The following LRP1B variants were observed in gnomAD, a reference collection of about 807,000 sequenced individuals.
LRP1B encodes LDL receptor related protein 1B, also known as low-density lipoprotein receptor-related protein 1B.
LRP1B carries 217 observed loss-of-function variants against 556.6 expected under a neutral mutation model. The observed-to-expected ratio is 0.39, with a 90% CI of 0.35 to 0.44. The LOEUF (loss-of-function observed/expected upper bound fraction) is 0.44. LRP1B is among the 20% of genes least tolerant of loss of function. The pLI is 1.00. For synonymous variants in LRP1B, 2,047 were observed against 1,865.8 expected, an observed-to-expected ratio of 1.10 and a Z score of -2.50; for missense variants, 5,053 against 5,620.8, an observed-to-expected ratio of 0.90 and a Z score of 3.23.
chr2:140,406,423 A>G (rs1004875061), intron 66 of LRP1B, among the ~76,000 whole-genome samples: 3 of 152,128 alleles, frequency 2.0e-5, no homozygotes, highest in Non-Finnish European at 4.4e-5. Context: ...CACCAATGAT[A>G]TGATCAAATA....
chr2:140,835,735 C>T (rs1460745843), intron 31 of LRP1B, among the ~76,000 whole-genome samples: 2 of 151,990 alleles, frequency 1.3e-5, no homozygotes, highest in African/African-American at 4.8e-5. Context: ...GATGGGTTTT[C>T]ACCATGTTGG....
intron 66 of LRP1B, among the ~76,000 whole-genome samples, chr2:140,435,032 A>G (rs535776234): frequency 9.2e-5 from 14 of 152,302 alleles, no homozygotes; most frequent in African/African-American, 3.4e-4. Context: ...ACAAAGCATA[A>G]TCAATCATAT....
intron 2 of LRP1B, among the ~76,000 whole-genome samples, chr2:141,484,449 C>T (rs1007997946): frequency 6.6e-6 from 1 of 151,700 alleles, no homozygotes; most frequent in Admixed American, 6.6e-5. Context: ...GATGTGGGTT[C>T]TTTTTTGGTT....
At chr2:140,881,106 C>T (rs1693457948) in intron 25 of LRP1B, among the ~76,000 whole-genome samples, 1 of 152,094 alleles carries the variant, frequency 6.6e-6, no homozygotes, top group African/African-American at 2.4e-5. Context: ...TGCTGATTCT[C>T]AGCTTCCTTA....
At chr2:140,797,802 GA>G (rs976318297) in intron 32 of LRP1B, among the ~76,000 whole-genome samples, 5 of 151,964 alleles carry the variant, frequency 3.3e-5, no homozygotes, top group African/African-American at 1.2e-4. Flanking sequence ...ACTTAAAAAA[GA>G]AAAAAATAAG....
intron 6 of LRP1B, among the ~76,000 whole-genome samples, chr2:141,216,417 C>T (rs1682817270): frequency 6.6e-6 from 1 of 152,208 alleles, no homozygotes; most frequent in Non-Finnish European, 1.5e-5. Flanking sequence ...GAAGTGGAGG[C>T]TGCACAGAGA....
In LRP1B at chr2:140,881,252, A is replaced by G. The variant is rs1426738643; in HGVS notation, c.4169+2565T>C. On this transcript the variant is annotated intron_variant, in intron 25 of 90. Transcript: ENST00000389484. ...CTTGTGCTTGGCTTGGCTTTGCTGT[A>G]AGTGTGTGTGTGTGTGTGTGTGTGC... Among the ~76,000 whole-genome samples, 137 of 73,116 alleles carry G rather than the reference A, an allele frequency of 1.9e-3. 1 individual carries two copies. The highest frequency in any genetic ancestry group is 8.3e-4 in the Non-Finnish European group (23 of 27,618). 48.0% of individuals were successfully genotyped at this position (73,116 alleles called of 152,430 possible). A position where few individuals can be genotyped will look rare whatever the true frequency, so the allele number is the denominator to read the frequency against.
intron 6 of LRP1B, among the ~76,000 whole-genome samples, chr2:141,193,626 A>G (rs1276556878): frequency 6.6e-6 from 1 of 151,924 alleles, no homozygotes; most frequent in South Asian, 2.1e-4. Context: ...TAGAAAAGAC[A>G]ACTTTTGGGG....
chr2:141,661,205 C>T (rs777654098), intron 2 of LRP1B, among the ~76,000 whole-genome samples: 1 of 152,196 alleles, frequency 6.6e-6, no homozygotes, highest in Non-Finnish European at 1.5e-5. Flanking sequence ...GCTAGATAAA[C>T]TCAAGAAGAC....
intron 7 of LRP1B, among the ~76,000 whole-genome samples, chr2:141,165,626 T>A (rs1231644474): frequency 1.6e-4 from 25 of 151,928 alleles, no homozygotes; most frequent in Admixed American, 1.6e-3. Context: ...TTCTCAACCA[T>A]ATAATATGAA....
intron 7 of LRP1B, among the ~76,000 whole-genome samples, chr2:141,168,315 T>C (rs915098883): frequency 1.3e-5 from 2 of 152,078 alleles, no homozygotes; most frequent in Non-Finnish European, 2.9e-5. Context: ...AGGACTGTTC[T>C]CCATCTGCCT....
At chr2:141,088,056 G>A (rs1026813573) in intron 7 of LRP1B, among the ~76,000 whole-genome samples, 1 of 152,126 alleles carries the variant, frequency 6.6e-6, no homozygotes, top group Non-Finnish European at 1.5e-5. Context: ...CTGCTTTCCT[G>A]GTAGGGGGAA....
intron 3 of LRP1B, among the ~76,000 whole-genome samples, chr2:141,330,874 T>C (rs1197428545): frequency 6.6e-6 from 1 of 150,628 alleles, no homozygotes; most frequent in African/African-American, 2.4e-5. Context: ...TGCCTCAGTC[T>C]CCCAAGTAGC....
intron 32 of LRP1B, among the ~76,000 whole-genome samples, chr2:140,782,628 T>TTCACTAATTC (rs1318526672): frequency 3.3e-5 from 5 of 152,186 alleles, no homozygotes. Flanking sequence ...CTAACAGAGA[T>TTCACTAATTC]ATTACAGGAA....
chr2:140,290,891 C>T (rs1401919776), intron 84 of LRP1B, among the ~76,000 whole-genome samples: 3 of 151,958 alleles, frequency 2.0e-5, no homozygotes, highest in African/African-American at 4.8e-5. Context: ...TTTTCAGAGT[C>T]AGATCCACAA....
intron 66 of LRP1B, among the ~76,000 whole-genome samples, chr2:140,400,795 C>G (rs1309972067): frequency 6.6e-6 from 1 of 152,074 alleles, no homozygotes; most frequent in Non-Finnish European, 1.5e-5. Context: ...AAAAAAAACT[C>G]TTAAGTACCC....
intron 2 of LRP1B, among the ~76,000 whole-genome samples, chr2:141,760,637 A>G (rs993172778): frequency 1.3e-5 from 2 of 152,196 alleles, no homozygotes; most frequent in African/African-American, 2.4e-5. Flanking sequence ...AATCTTTTTA[A>G]GGTTGGGTCA....
intron 1 of LRP1B, among the ~76,000 whole-genome samples, chr2:141,833,086 C>A (rs77073839): frequency 0.081 from 12,280 of 151,556 alleles, 515 homozygotes; most frequent in South Asian, 0.13. Flanking sequence ...TACTAAGATA[C>A]CTAGTATTAC....
Position 140,401,852 on chromosome 2 carries a change from C to G in LRP1B, c.10415-15843G>C, listed in dbSNP as rs116483961. ...AGCTATCACCATTGCCTGCAACACC[C>G]TGGCTAACCAGGAGGTCCTGAGTCT... On this transcript the variant is annotated intron_variant, in intron 66 of 90. Transcript: ENST00000389484. Among the ~76,000 whole-genome samples, 450 of 152,354 alleles carry G rather than the reference C, an allele frequency of 3.0e-3. 2 individuals carry two copies. Among genetic ancestry groups the G allele is most frequent in the African/African-American group, 9.9e-3 (413 of 41,576 alleles).
Sources: allele counts gnomAD v4.1 joint callset (sites outside exome capture counted in the v4.1 genomes callset), GRCh38; gene constraint gnomAD v4.1.1; transcripts MANE v1.5; gene names NCBI Gene and HGNC (gene_info 2026-07-23, HGNC 2026-07-21).